RBMS3: variants seen among roughly 807,000 people sequenced by gnomAD.
RBMS3 encodes RNA binding motif single stranded interacting protein 3.
A neutral mutation model predicts 66.8 loss-of-function variants in RBMS3; 27 were observed. The observed-to-expected ratio is 0.40, with a 90% CI of 0.30 to 0.56. RBMS3 has a LOEUF of 0.56. Among genes scored for constraint, RBMS3 ranks in the 20% least tolerant of loss-of-function variants. The pLI is 0.40. For synonymous variants in RBMS3, 188 were observed against 183.0 expected (o/e 1.03, Z -0.22); for missense variants, 513 against 549.5 (o/e 0.93, Z 0.66).
intron 6 of RBMS3, among the ~76,000 whole-genome samples, chr3:29,859,298 A>T (rs542547808): frequency 6.6e-6 from 1 of 152,266 alleles, no homozygotes; most frequent in Non-Finnish European, 1.5e-5. Context: ...GGCCCAGAGA[A>T]CCACTGTAAT....
At chr3:29,575,304 T>C (rs1430378599) in intron 3 of RBMS3, among the ~76,000 whole-genome samples, 1 of 151,734 alleles carries the variant, frequency 6.6e-6, no homozygotes, top group Non-Finnish European at 1.5e-5. Context: ...TTTCTTTCAG[T>C]ACTTTAAATA....
chr3:29,536,458 T>C (rs944284767), intron 3 of RBMS3, among the ~76,000 whole-genome samples: 2 of 152,236 alleles, frequency 1.3e-5, no homozygotes, highest in South Asian at 4.1e-4. Flanking sequence ...CTGCGTCATG[T>C]GCTGCATCAG....
intron 3 of RBMS3, among the ~76,000 whole-genome samples, chr3:29,569,718 C>CAA (rs1360227743): frequency 6.6e-6 from 1 of 151,988 alleles, no homozygotes; most frequent in Non-Finnish European, 1.5e-5. Flanking sequence ...AAAAAAAGAT[C>CAA]TTTGAATGAA....
intron 8 of RBMS3, among the ~76,000 whole-genome samples, chr3:29,890,635 G>A (rs796546796): frequency 8.6e-5 from 13 of 151,578 alleles, no homozygotes; most frequent in South Asian, 8.3e-4. Context: ...AAATGCTCAC[G>A]TCATATTAGG....
chr3:29,697,055 A>G (rs2052313521), intron 4 of RBMS3: 2 of 985,358 alleles, frequency 2.0e-6, no homozygotes, highest in African/African-American at 1.7e-5. Flanking sequence ...GTTCTTACAT[A>G]AAGAAATGCA....
intron 6 of RBMS3, among the ~76,000 whole-genome samples, chr3:29,763,460 A>G (rs531327526): frequency 6.6e-6 from 1 of 152,026 alleles, no homozygotes; most frequent in African/African-American, 2.4e-5. Context: ...AATGTCATGA[A>G]ATCTCAGTGC....
intron 1 of RBMS3, among the ~76,000 whole-genome samples, chr3:29,312,952 G>A (rs554029772): frequency 8.6e-5 from 13 of 151,702 alleles, no homozygotes; most frequent in South Asian, 2.1e-4. Context: ...TGCCATTCAC[G>A]TGTACCCCAT....
intron 12 of RBMS3, among the ~76,000 whole-genome samples, chr3:29,981,113 C>G (rs1337974386): frequency 1.3e-5 from 2 of 152,114 alleles, no homozygotes; most frequent in Non-Finnish European, 2.9e-5. Context: ...TTTCCTTGAG[C>G]AGTGGTTCAT....
chr3:29,679,027 A>G (rs1344166255), intron 4 of RBMS3, among the ~76,000 whole-genome samples: 1 of 152,128 alleles, frequency 6.6e-6, no homozygotes, highest in Non-Finnish European at 1.5e-5. Flanking sequence ...GGTTTGAGCA[A>G]GCACTGCTCC....
intron 4 of RBMS3, among the ~76,000 whole-genome samples, chr3:29,652,982 T>C (rs1464537857): frequency 6.6e-6 from 1 of 152,162 alleles, no homozygotes; most frequent in Non-Finnish European, 1.5e-5. Context: ...TCAATGGTAA[T>C]GTAGAAATCA....
intron 4 of RBMS3, among the ~76,000 whole-genome samples, chr3:29,688,564 ATTTTTTTTTTTTTTTTTTTTTTT>A (rs55943638): frequency 4.5e-5 from 3 of 67,118 alleles, no homozygotes; most frequent in African/African-American, 1.5e-4. Flanking sequence ...AAGTTACAGG[ATTTTTTTTTTTTTTTTTTTTTTT>A]TTTTTTTTTT....
At chr3:29,658,607 C>T (rs567355654) in intron 4 of RBMS3, among the ~76,000 whole-genome samples, 5 of 152,166 alleles carry the variant, frequency 3.3e-5, no homozygotes, top group Admixed American at 6.5e-5. Context: ...GAGAAATTTC[C>T]GTAAGTAAGC....
At position 30,006,882 on chromosome 3, in the gene RBMS3, C is replaced by T. The variant is rs1699816222; in HGVS notation, c.*3020C>T. 1 of 151,902 alleles carries T rather than the reference C, an allele frequency of 6.6e-6. No homozygotes were observed. The allele number at this position is 151,902 out of a possible 1,614,324, so 9.4% of individuals were successfully genotyped here. A position where few individuals can be genotyped will look rare whatever the true frequency, so the allele number is the denominator to read the frequency against. ...AAAACTGCTGCTTTATTTGTACATT[C>T]AGAAATATTTTTTTCAACTATGAAA... On this transcript the variant is annotated 3_prime_UTR_variant, in exon 15 of 15. Coordinates refer to ENST00000383767, the MANE Select transcript of RBMS3 (RefSeq NM_001003793.3).
intron 4 of RBMS3, among the ~76,000 whole-genome samples, chr3:29,676,224 A>T (rs893748652): frequency 6.6e-6 from 1 of 152,180 alleles, no homozygotes; most frequent in African/African-American, 2.4e-5. Flanking sequence ...GAACTGAACA[A>T]TGAGAACACT....
chr3:29,528,295 T>C (rs1316071379), intron 3 of RBMS3, among the ~76,000 whole-genome samples: 1 of 152,036 alleles, frequency 6.6e-6, no homozygotes, highest in Non-Finnish European at 1.5e-5. Context: ...ATATTTTTCG[T>C]AGAGATGGGG....
At chr3:29,366,579 C>T (rs2037919271) in intron 1 of RBMS3, among the ~76,000 whole-genome samples, 1 of 151,762 alleles carries the variant, frequency 6.6e-6, no homozygotes, top group Admixed American at 6.6e-5. Flanking sequence ...AAGACATGGT[C>T]TCACCATGTT....
intron 4 of RBMS3, among the ~76,000 whole-genome samples, chr3:29,609,432 C>A (rs1426956013): frequency 6.6e-6 from 1 of 151,858 alleles, no homozygotes; most frequent in Non-Finnish European, 1.5e-5. Context: ...TTCTGGGCAT[C>A]CTAAGGGAGG....
intron 5 of RBMS3, among the ~76,000 whole-genome samples, chr3:29,741,190 C>T (rs891880593): frequency 6.6e-6 from 1 of 152,102 alleles, no homozygotes; most frequent in Non-Finnish European, 1.5e-5. Flanking sequence ...TCTTCTTATT[C>T]TCCATAATGT....
chr3:29,705,559 C>T (rs1397510779), intron 4 of RBMS3, among the ~76,000 whole-genome samples: 2 of 151,978 alleles, frequency 1.3e-5, no homozygotes, highest in Admixed American at 1.3e-4. Context: ...GAACATTCAC[C>T]AGGTTTATTC....
Sources: gnomAD v4.1 joint callset for allele counts (sites outside exome capture counted in the v4.1 genomes callset) on GRCh38, gnomAD v4.1.1 for gene constraint, MANE v1.5 for transcripts, NCBI Gene and HGNC (gene_info 2026-07-23, HGNC 2026-07-21) for gene names.